The following CFAP20DC variants were observed in gnomAD, a reference collection of about 807,000 sequenced individuals.
CFAP20DC encodes protein CFAP20DC.
A neutral mutation model predicts 101.7 loss-of-function variants in CFAP20DC; 84 were observed. The observed-to-expected ratio is 0.83, with a 90% CI of 0.69 to 0.99. The LOEUF (loss-of-function observed/expected upper bound fraction) is 0.99. Among genes scored for constraint, CFAP20DC ranks in the 50% least tolerant of loss-of-function variants. The pLI is 0.00. For synonymous variants in CFAP20DC, 359 were observed against 351.2 expected, an observed-to-expected ratio of 1.02 and a Z score of -0.25; for missense variants, 1,007 against 970.3, an observed-to-expected ratio of 1.04 and a Z score of -0.50.
intron 15 of CFAP20DC, among the ~76,000 whole-genome samples, chr3:58,761,588 G>A (rs558811277): frequency 6.6e-6 from 1 of 152,072 alleles, no homozygotes; most frequent in Non-Finnish European, 1.5e-5. Flanking sequence ...GCTTTTGAAT[G>A]TGTTTGCTCT....
intron 15 of CFAP20DC, among the ~76,000 whole-genome samples, chr3:58,762,652 T>G (rs1003027982): frequency 2.6e-5 from 4 of 152,200 alleles, no homozygotes; most frequent in African/African-American, 7.2e-5. Flanking sequence ...TTACAATTTG[T>G]CATGTTTTTG....
At position 58,854,336 on chromosome 3, in the gene CFAP20DC, G is replaced by A. The variant is rs548793917; in HGVS notation, c.1594-4927C>T. ...AACCACTGCTCAAGGAAATAAAAGA[G>A]GATACAAACAAATGGAAGAACATTC... On this transcript the variant is annotated intron_variant, in intron 12 of 16. Transcript: ENST00000482387. Among the ~76,000 whole-genome samples the A allele has an allele frequency of 7.3e-3, 1,108 of 150,852 alleles. 7 individuals are homozygous for A. The highest frequency in any genetic ancestry group is 0.024 in the African/African-American group (975 of 40,722).
At chr3:58,849,585 C>T (rs373279852) in intron 12 of CFAP20DC, among the ~76,000 whole-genome samples, 176 bp from the exon 13 acceptor site, 40 of 152,222 alleles carry the variant, frequency 2.6e-4, no homozygotes, top group African/African-American at 9.1e-4. Flanking sequence ...GCAATGCAAA[C>T]AGTTATAAGC....
chr3:58,938,525 T>C (rs2088034163), intron 4 of CFAP20DC, among the ~76,000 whole-genome samples: 1 of 152,208 alleles, frequency 6.6e-6, no homozygotes, highest in Non-Finnish European at 1.5e-5. Flanking sequence ...ACTTTTTATT[T>C]GAGAATGATT....
At position 58,953,297 on chromosome 3, in the gene CFAP20DC, T is replaced by C. The variant is rs1361488578; in HGVS notation, c.279-15535A>G. On this transcript the variant is annotated intron_variant, in intron 4 of 16. Coordinates refer to ENST00000482387, the MANE Select transcript of CFAP20DC (RefSeq NM_001394063.1). ...CACATTTATTAAGAGGTGGGTCCTCTAGACTGCAAAACTCAATAGGAATCA... is the reference window on the plus strand; with the variant it reads ...CACATTTATTAAGAGGTGGGTCCTCCAGACTGCAAAACTCAATAGGAATCA... 3.3e-5 allele frequency among the ~76,000 whole-genome samples: 5 copies of C among 152,306 alleles called. No homozygotes were observed. The East Asian group carries it at 7.7e-4, about 24-fold the overall frequency.
At chr3:58,759,763 T>C (rs2069357820) in intron 15 of CFAP20DC, among the ~76,000 whole-genome samples, 1 of 152,204 alleles carries the variant, frequency 6.6e-6, no homozygotes. Flanking sequence ...GGCTAGCCAG[T>C]TTTCCCAGCA....
chr3:58,750,851 G>T (rs2068514533), intron 16 of CFAP20DC, among the ~76,000 whole-genome samples: 1 of 152,154 alleles, frequency 6.6e-6, no homozygotes, highest in Admixed American at 6.6e-5. Flanking sequence ...TACTGCTTAT[G>T]AATAAAGTTT....
At chr3:58,968,156 G>C (rs1372621239) in intron 4 of CFAP20DC, among the ~76,000 whole-genome samples, 1 of 152,166 alleles carries the variant, frequency 6.6e-6, no homozygotes, top group Non-Finnish European at 1.5e-5. Context: ...ATTGTGAATA[G>C]TGCTGCCATG....
In CFAP20DC at chr3:58,816,385, T is replaced by A. The variant is rs189315170; in HGVS notation, c.2176-9929A>T. ...TGCATTTCCATCTGAGGTACCGGGT[T>A]TATCTCACTAGGGAGTGCCAGACAG... On this transcript the variant is annotated intron_variant, in intron 14 of 16. Transcript: ENST00000482387. Among the ~76,000 whole-genome samples the A allele has an allele frequency of 5.2e-4, 79 of 152,272 alleles. 2 individuals carry two copies. In the East Asian group the frequency reaches 0.015, roughly 29 times the overall value.
intron 15 of CFAP20DC, among the ~76,000 whole-genome samples, chr3:58,793,596 T>C (rs2073022468): frequency 6.6e-6 from 1 of 152,174 alleles, no homozygotes; most frequent in Admixed American, 6.5e-5. Context: ...ACACTGATCA[T>C]AATGTAATTT....
At position 58,930,701 on chromosome 3, in the gene CFAP20DC, T is replaced by C. The variant is rs866394452; in HGVS notation, c.393+6947A>G. 8.5e-5 allele frequency among the ~76,000 whole-genome samples: 13 copies of C among 152,382 alleles called. No homozygotes were observed. The Middle Eastern group carries it at 0.01, about 120-fold the overall frequency. ...TTTGTTTTCAGTATGTTTATTTTTA[T>C]GTTGTATTTTGGGAAAATTACACTG... On this transcript the variant is annotated intron_variant, in intron 5 of 16. Transcript: ENST00000482387.
intron 15 of CFAP20DC, among the ~76,000 whole-genome samples, chr3:58,769,308 G>C (rs1215551024): frequency 1.3e-5 from 2 of 152,212 alleles, no homozygotes; most frequent in African/African-American, 2.4e-5. Flanking sequence ...TCTGGACAGA[G>C]AGCAGCATGA....
rs772684030 is a variant in CFAP20DC, at chr3:58,892,729, T to C, written c.551-8020A>G. On this transcript the variant is annotated intron_variant, in intron 6 of 16. Transcript: ENST00000482387. The surrounding 1 kb of genome is among the most constrained non-coding windows in gnomAD (Gnocchi z 4.0). ...AGTTGCTTATCAGCTTAAAAAGCTTTAGGCTGAGATGATGCGGTTTTCTAG... is the reference window on the plus strand; with the variant it reads ...AGTTGCTTATCAGCTTAAAAAGCTTCAGGCTGAGATGATGCGGTTTTCTAG... 3.2e-4 allele frequency among the ~76,000 whole-genome samples: 48 copies of C among 152,344 alleles called. No individual in the cohort carries two copies. Among genetic ancestry groups the C allele is most frequent in the South Asian group, 4.1e-4 (2 of 4,832 alleles).
intron 6 of CFAP20DC, among the ~76,000 whole-genome samples, chr3:58,891,822 G>A (rs1433044664): frequency 2.0e-5 from 3 of 152,122 alleles, no homozygotes; most frequent in African/African-American, 7.2e-5. Flanking sequence ...GAGCCCATTT[G>A]TCTATTTTGA....
At chr3:58,954,259 A>G (rs942888807) in intron 4 of CFAP20DC, among the ~76,000 whole-genome samples, 1 of 152,094 alleles carries the variant, frequency 6.6e-6, no homozygotes, top group Non-Finnish European at 1.5e-5. Context: ...AGATAAACTC[A>G]TTTATTCAGA....
At chr3:58,847,588 C>T (rs1294085595) in intron 13 of CFAP20DC, among the ~76,000 whole-genome samples, 4 of 152,096 alleles carry the variant, frequency 2.6e-5, no homozygotes, top group Non-Finnish European at 5.9e-5. Flanking sequence ...ACTAGTTCAA[C>T]CGTTGTGGAA....
chr3:58,736,872 T>C (rs1389771828), intron 3 of CFAP20DC, among the ~76,000 whole-genome samples: 1 of 152,230 alleles, frequency 6.6e-6, no homozygotes, highest in Non-Finnish European at 1.5e-5. Context: ...ATTAGTGTTA[T>C]CTGTGGTCCA....
Position 58,863,422 on chromosome 3 carries a change from GGACT to G in CFAP20DC, c.1593+132_1593+135del, listed in dbSNP as rs1200470586. 1 of 1,462,550 alleles carries G rather than the reference GGACT, an allele frequency of 6.8e-7. No homozygotes were observed. The highest frequency in any genetic ancestry group is 1.4e-5 in the African/African-American group (1 of 70,432). 90.6% of individuals were successfully genotyped at this position (1,462,550 alleles called of 1,614,324 possible). A position where few individuals can be genotyped will look rare whatever the true frequency, so the allele number is the denominator to read the frequency against. On this transcript the variant is annotated intron_variant, in intron 12 of 16. Transcript: ENST00000482387. This position sits in a 1 kb window ranked among gnomAD's most constrained non-coding sequence, Gnocchi z 5.9. ...TACCATAACAACCTGATGCAACTGT[GGACT>G]GACATGGCAATCTGTTGCATTTTTA...
rs62252026 is a variant in CFAP20DC, at chr3:58,815,202, T to C, written c.2176-8746A>G. On this transcript the variant is annotated intron_variant, in intron 14 of 16. Coordinates refer to ENST00000482387, the MANE Select transcript of CFAP20DC (RefSeq NM_001394063.1). ...AGAACACAGCCCTCAGAAATAACGCTGCATATCTACAACTATCTAATCTTT... is the reference window on the plus strand; with the variant it reads ...AGAACACAGCCCTCAGAAATAACGCCGCATATCTACAACTATCTAATCTTT... Among the ~76,000 whole-genome samples, 24 of 151,586 alleles carry C rather than the reference T, an allele frequency of 1.6e-4. No homozygotes were observed. In the East Asian group the frequency reaches 1.8e-3, roughly 11 times the overall value.
Sources: gnomAD v4.1 joint callset for allele counts (sites outside exome capture counted in the v4.1 genomes callset) on GRCh38, gnomAD v4.1.1 for gene constraint, Gnocchi (gnomAD v3.1) non-coding constraint, MANE v1.5 for transcripts, NCBI Gene and HGNC (gene_info 2026-07-23, HGNC 2026-07-21) for gene names.